The following APBA2 variants were observed in gnomAD, a reference collection of about 807,000 sequenced individuals.
APBA2 encodes amyloid-beta A4 precursor protein-binding family A member 2.
In APBA2, 30 loss-of-function variants were observed where a neutral mutation model predicts 75.0. The ratio of observed to expected loss-of-function variants is 0.40; its 90% CI spans 0.30 to 0.54. The LOEUF is 0.54. APBA2 is among the 20% of genes least tolerant of loss of function. The pLI is 0.49. For missense variants in APBA2, 801 were observed against 1,016.1 expected, an observed-to-expected ratio of 0.79 and a Z score of 2.88; for synonymous variants, 444 against 409.6, an observed-to-expected ratio of 1.08 and a Z score of -1.01.
intron 2 of APBA2, among the ~76,000 whole-genome samples, chr15:28,936,276 AT>A (rs2034865084): frequency 6.6e-6 from 1 of 152,210 alleles, no homozygotes; most frequent in African/African-American, 2.4e-5. Context: ...GCCATGGTCC[AT>A]TCAGTCCCCA....
chr15:28,962,569 AAATAAT>A (rs1235888705), intron 2 of APBA2, among the ~76,000 whole-genome samples: 1 of 150,832 alleles, frequency 6.6e-6, no homozygotes, highest in Non-Finnish European at 1.5e-5. Context: ...CCGTCTCAAA[AAATAAT>A]AATAATAGTA....
chr15:28,909,961 C>G (rs895757054), intron 1 of APBA2, among the ~76,000 whole-genome samples: 1 of 152,018 alleles, frequency 6.6e-6, no homozygotes, highest in Non-Finnish European at 1.5e-5. Flanking sequence ...GTACCAGAGC[C>G]GGGGAGGTCG....
At chr15:29,058,137 G>A (rs187851651) in intron 4 of APBA2, among the ~76,000 whole-genome samples, 6 of 152,246 alleles carry the variant, frequency 3.9e-5, no homozygotes, top group African/African-American at 1.4e-4. Flanking sequence ...GGTACAGAGG[G>A]ATTTAATTGG....
intron 13 of APBA2, among the ~76,000 whole-genome samples, chr15:29,111,307 C>A (rs1268097189): frequency 6.6e-6 from 1 of 152,048 alleles, no homozygotes; most frequent in Non-Finnish European, 1.5e-5. Context: ...TTGTTCCACC[C>A]TCTGGCTCTG....
At chr15:28,887,076 C>T (rs1219185071) in intron 1 of APBA2, among the ~76,000 whole-genome samples, 1 of 152,252 alleles carries the variant, frequency 6.6e-6, no homozygotes, top group African/African-American at 2.4e-5. Context: ...AGAGCAGAGC[C>T]TTAGAGGGGC....
chr15:29,116,615 A>G (rs113969149), intron 14 of APBA2, among the ~76,000 whole-genome samples: 24 of 148,296 alleles, frequency 1.6e-4, no homozygotes, highest in Non-Finnish European at 3.2e-4. Flanking sequence ...GCGACAGAGC[A>G]AGACTCCGTC....
intron 3 of APBA2, among the ~76,000 whole-genome samples, chr15:29,004,478 A>T (rs1313402096): frequency 2.6e-5 from 4 of 152,080 alleles, no homozygotes; most frequent in Non-Finnish European, 4.4e-5. Flanking sequence ...TGGTTCTCAG[A>T]CTGTGTTTGC....
intron 3 of APBA2, among the ~76,000 whole-genome samples, chr15:29,000,734 G>A (rs2038799402): frequency 6.6e-6 from 1 of 152,120 alleles, no homozygotes; most frequent in African/African-American, 2.4e-5. Context: ...GGGACTACAG[G>A]CATGTGCCAC....
chr15:29,071,145 T>C, intron 4 of APBA2: 1 of 437,442 alleles, frequency 2.3e-6, no homozygotes, highest in Non-Finnish European at 4.5e-6. Context: ...AGCAATGTGA[T>C]TATATTGCTG....
At chr15:29,025,592 G>A (rs2040178306) in intron 3 of APBA2, among the ~76,000 whole-genome samples, 1 of 152,028 alleles carries the variant, frequency 6.6e-6, no homozygotes, top group Non-Finnish European at 1.5e-5. Context: ...ATTTTATTAG[G>A]GGCCTGCATA....
intron 14 of APBA2, among the ~76,000 whole-genome samples, chr15:29,114,385 C>T (rs901449460): frequency 6.6e-6 from 1 of 152,228 alleles, no homozygotes; most frequent in Non-Finnish European, 1.5e-5. Context: ...TTGCCCTGTC[C>T]CACTTCACTG....
chr15:28,931,733 T>C (rs1025768738), intron 2 of APBA2, among the ~76,000 whole-genome samples: 12 of 152,200 alleles, frequency 7.9e-5, no homozygotes, highest in African/African-American at 2.9e-4. Context: ...TGGGATGTTA[T>C]TGTCTGCATT....
chr15:28,969,150 T>TTCTTTCTC (rs1363548836), intron 2 of APBA2, among the ~76,000 whole-genome samples: 10 of 76,494 alleles, frequency 1.3e-4, no homozygotes, highest in African/African-American at 9.3e-4. Context: ...CTTTCTTTCT[T>TTCTTTCTC]TCTTTCTTTC....
chr15:29,063,577 A>C (rs34059300), intron 4 of APBA2, among the ~76,000 whole-genome samples: 8 of 62,044 alleles, frequency 1.3e-4, no homozygotes, highest in South Asian at 5.5e-4. Flanking sequence ...ATGGGTGGGG[A>C]GGGGAGTTGA....
chr15:29,116,333 A>T (rs1472948339), intron 14 of APBA2, among the ~76,000 whole-genome samples: 2 of 152,132 alleles, frequency 1.3e-5, no homozygotes. Flanking sequence ...GTGTTTTGTA[A>T]GAAGGGGTGT....
chr15:29,010,500 C>T (rs767332227), intron 3 of APBA2, among the ~76,000 whole-genome samples: 8 of 152,096 alleles, frequency 5.3e-5, no homozygotes, highest in Non-Finnish European at 1.0e-4. Flanking sequence ...CCTCGTGATC[C>T]GCCCAACTCG....
At chr15:29,068,443 C>A (rs938950018) in intron 4 of APBA2, among the ~76,000 whole-genome samples, 1 of 152,238 alleles carries the variant, frequency 6.6e-6, no homozygotes, top group African/African-American at 2.4e-5. Flanking sequence ...GGTGACTCTC[C>A]CTGGGCCGGT....
Position 29,101,694 on chromosome 15 carries a change from A to G in APBA2, c.1434A>G (p.Ser478=). ...VLMARRRMPR[S]ASQDCIETTP... ...TGGCCAGACGCCGCATGCCCCGGTC[A>G]GCCTCTCAGGACTGCATCGAGACCA... The change falls in exon 10 of 15, where the codon TCA becomes TCG. Residue 478 remains serine, a synonymous_variant. Transcript: ENST00000683413. 6.2e-7 allele frequency: 1 copy of G among 1,613,738 alleles called. No homozygotes were observed. Among genetic ancestry groups the G allele is most frequent in the Non-Finnish European group, 8.5e-7 (1 of 1,180,038 alleles).
intron 3 of APBA2, among the ~76,000 whole-genome samples, chr15:29,007,661 C>T (rs945906596): frequency 3.3e-5 from 5 of 151,886 alleles, no homozygotes; most frequent in African/African-American, 4.8e-5. Context: ...AATTGCAAGT[C>T]GAAATCACAA....
Sources: gnomAD v4.1 joint callset for allele counts (sites outside exome capture counted in the v4.1 genomes callset) on GRCh38, gnomAD v4.1.1 for gene constraint, MANE v1.5 for transcripts, NCBI Gene and HGNC (gene_info 2026-07-23, HGNC 2026-07-21) for gene names.